SETBP1: variants seen among roughly 807,000 people sequenced by gnomAD.
The protein encoded by SETBP1 is SET binding protein 1, also known as SET-binding protein.
In SETBP1, 9 loss-of-function variants were observed where a neutral mutation model predicts 101.0. The ratio of observed to expected loss-of-function variants is 0.09; its 90% CI spans 0.05 to 0.16. SETBP1 has a LOEUF of 0.16. SETBP1 is among the 10% of genes least tolerant of loss of function. The probability of loss-of-function intolerance (pLI) is 1.00; values close to 1 mark genes in which losing one functional copy is unlikely to be tolerated. For synonymous variants in SETBP1, 818 were observed against 788.5 expected (o/e 1.04, Z -0.63); for missense variants, 1,858 against 2,033.8 (o/e 0.91, Z 1.66).
At chr18:44,779,873 T>C (rs12232728) in intron 2 of SETBP1, among the ~76,000 whole-genome samples, 118,599 of 151,882 alleles carry the variant, frequency 0.78, 46,499 homozygotes, top group Admixed American at 0.84. Flanking sequence ...TTTCTTCCCT[T>C]GTCTTAATAG....
At chr18:45,013,316 G>A (rs1358652867) in intron 4 of SETBP1, among the ~76,000 whole-genome samples, 2 of 152,192 alleles carry the variant, frequency 1.3e-5, no homozygotes, top group Admixed American at 1.3e-4. Flanking sequence ...AGCCCAGTGG[G>A]AATTTGCTCT....
At chr18:44,851,747 A>C (rs998536020) in intron 2 of SETBP1, among the ~76,000 whole-genome samples, 3 of 152,152 alleles carry the variant, frequency 2.0e-5, no homozygotes, top group African/African-American at 7.2e-5. Flanking sequence ...CTAACATTGA[A>C]TGAGTCCTGC....
intron 2 of SETBP1, among the ~76,000 whole-genome samples, chr18:44,809,987 C>A (rs1255247602): frequency 6.6e-6 from 1 of 152,204 alleles, no homozygotes; most frequent in East Asian, 1.9e-4. Context: ...GCAAATTGTC[C>A]TTAGGGCCTC....
At chr18:44,877,752 T>G (rs774408879) in intron 3 of SETBP1, among the ~76,000 whole-genome samples, 1 of 152,160 alleles carries the variant, frequency 6.6e-6, no homozygotes, top group Non-Finnish European at 1.5e-5. Context: ...TTACCTTGAC[T>G]GTGTTTTTAG....
intron 2 of SETBP1, among the ~76,000 whole-genome samples, chr18:44,795,223 T>G (rs2071450624): frequency 6.6e-6 from 1 of 152,206 alleles, no homozygotes; most frequent in African/African-American, 2.4e-5. Context: ...CCATGACTTA[T>G]TAAAATGCCA....
At chr18:45,015,675 TACC>T (rs1441159652) in intron 4 of SETBP1, among the ~76,000 whole-genome samples, 1 of 152,224 alleles carries the variant, frequency 6.6e-6, no homozygotes, top group Non-Finnish European at 1.5e-5. Context: ...CCTGTGCATC[TACC>T]TTTATCAATG....
intron 2 of SETBP1, among the ~76,000 whole-genome samples, chr18:44,758,921 G>A (rs1490331000): frequency 6.6e-6 from 1 of 152,192 alleles, no homozygotes; most frequent in Non-Finnish European, 1.5e-5. Flanking sequence ...CCCCCCATGC[G>A]TCCCTGGGAC....
rs146968299 is a variant in SETBP1, at chr18:44,759,382, C to T, written c.486+57550C>T. 3.6e-3 allele frequency among the ~76,000 whole-genome samples: 553 copies of T among 152,284 alleles called. 2 individuals are homozygous for T. Among genetic ancestry groups the T allele is most frequent in the African/African-American group, 0.013 (537 of 41,572 alleles). On this transcript the variant is annotated intron_variant, in intron 2 of 5. Transcript: ENST00000649279. ...ATACGTTCAACATGTAAAGCATAAT[C>T]CCTCCCTGAAACCTTAAATTATCTA...
At chr18:44,758,088 C>T (rs561945296) in intron 2 of SETBP1, among the ~76,000 whole-genome samples, 35 of 152,100 alleles carry the variant, frequency 2.3e-4, no homozygotes, top group Non-Finnish European at 4.0e-4. Flanking sequence ...AGCTTCCATC[C>T]GTCCCATCTA....
At chr18:44,794,229 C>T (rs1454622420) in intron 2 of SETBP1, among the ~76,000 whole-genome samples, 1 of 152,182 alleles carries the variant, frequency 6.6e-6, no homozygotes, top group Non-Finnish European at 1.5e-5. Flanking sequence ...CATTGTACGG[C>T]ATTTTGTAAA....
intron 2 of SETBP1, among the ~76,000 whole-genome samples, chr18:44,722,888 C>G (rs2069630368): frequency 6.6e-6 from 1 of 152,212 alleles, no homozygotes; most frequent in Non-Finnish European, 1.5e-5. Context: ...TTTTCATCAT[C>G]ACAATATCCT....
chr18:45,006,566 C>T (rs538915145), intron 4 of SETBP1, among the ~76,000 whole-genome samples: 2 of 152,306 alleles, frequency 1.3e-5, no homozygotes, highest in South Asian at 4.1e-4. Context: ...CAACCTCTGG[C>T]ATTCTTTGGC....
chr18:44,688,055 G>A (rs191062489), intron 1 of SETBP1, among the ~76,000 whole-genome samples: 199 of 152,250 alleles, frequency 1.3e-3, no homozygotes, highest in Non-Finnish European at 2.0e-3. Context: ...AAAGTTCTGT[G>A]GGATTGATGA....
intron 5 of SETBP1, among the ~76,000 whole-genome samples, chr18:45,052,002 G>A (rs2073730310): frequency 6.7e-6 from 1 of 150,032 alleles, no homozygotes; most frequent in African/African-American, 2.4e-5. Context: ...TAGATCGTAA[G>A]TGCTAAGTCA....
intron 2 of SETBP1, among the ~76,000 whole-genome samples, chr18:44,731,668 A>G (rs991303714): frequency 2.0e-5 from 3 of 152,108 alleles, no homozygotes; most frequent in African/African-American, 4.8e-5. Context: ...ACGCACACAC[A>G]CACACATATC....
At chr18:44,812,738 A>G (rs1326595942) in intron 2 of SETBP1, among the ~76,000 whole-genome samples, 4 of 152,156 alleles carry the variant, frequency 2.6e-5, no homozygotes, top group East Asian at 1.9e-4. Flanking sequence ...TCAAGTTTCT[A>G]TATGTGAACT....
intron 4 of SETBP1, among the ~76,000 whole-genome samples, chr18:44,961,672 G>T (rs1404820188): frequency 6.6e-6 from 1 of 152,160 alleles, no homozygotes; most frequent in Admixed American, 6.6e-5. Flanking sequence ...AGGCCAAAAA[G>T]GCCATGTGTA....
intron 1 of SETBP1, among the ~76,000 whole-genome samples, chr18:44,687,641 T>G (rs1300459278): frequency 6.6e-6 from 1 of 152,204 alleles, no homozygotes; most frequent in African/African-American, 2.4e-5. Flanking sequence ...GTAAAATAAC[T>G]GACTTGAATC....
At chr18:44,792,326 G>C (rs1165368142) in intron 2 of SETBP1, among the ~76,000 whole-genome samples, 2 of 152,298 alleles carry the variant, frequency 1.3e-5, no homozygotes, top group East Asian at 3.9e-4. Context: ...CCATGTCTGT[G>C]TATGTTCCAG....
Sources: allele counts gnomAD v4.1 joint callset (sites outside exome capture counted in the v4.1 genomes callset), GRCh38; gene constraint gnomAD v4.1.1; transcripts MANE v1.5; gene names NCBI Gene and HGNC (gene_info 2026-07-23, HGNC 2026-07-21).